The following VWA8 variants were observed in gnomAD, a reference collection of about 807,000 sequenced individuals.
VWA8 encodes von Willebrand factor A domain containing 8.
In VWA8, 221 loss-of-function variants were observed where a neutral mutation model predicts 241.5. The observed-to-expected ratio is 0.91, with a 90% confidence interval of 0.82 to 1.02. The LOEUF (loss-of-function observed/expected upper bound fraction) is 1.02. VWA8 is among the 50% of genes least tolerant of loss of function. VWA8 has a pLI of 0.00. For missense variants in VWA8, 2,322 were observed against 2,328.7 expected, an observed-to-expected ratio of 1.00 and a Z score of 0.06; for synonymous variants, 852 against 827.1, an observed-to-expected ratio of 1.03 and a Z score of -0.52.
chr13:41,675,894 A>ACAGTATC (rs2045057067), intron 35 of VWA8, among the ~76,000 whole-genome samples: 1 of 152,118 alleles, frequency 6.6e-6, no homozygotes, highest in Non-Finnish European at 1.5e-5. Context: ...TGCTCATCAC[A>ACAGTATC]CAGTATCTGT....
At chr13:41,648,077 A>G (rs1384763674) in intron 37 of VWA8, among the ~76,000 whole-genome samples, 2 of 152,192 alleles carry the variant, frequency 1.3e-5, no homozygotes, top group Admixed American at 1.3e-4. Flanking sequence ...TAAATGATGC[A>G]TGTCTTGGAG....
chr13:41,626,123 C>T (rs2044689343), intron 37 of VWA8, among the ~76,000 whole-genome samples: 1 of 149,996 alleles, frequency 6.7e-6, no homozygotes, highest in Middle Eastern at 3.4e-3. Context: ...AGGAGATATA[C>T]CTAATGCTAA....
intron 37 of VWA8, among the ~76,000 whole-genome samples, chr13:41,631,102 G>A (rs576008600): frequency 2.0e-5 from 3 of 152,154 alleles, no homozygotes; most frequent in South Asian, 2.1e-4. Flanking sequence ...TCACTGCAGC[G>A]TCAACTTCCC....
intron 18 of VWA8, among the ~76,000 whole-genome samples, chr13:41,786,907 A>G (rs902897456): frequency 1.3e-5 from 2 of 152,060 alleles, no homozygotes. Context: ...ACTGAAAATT[A>G]TATTTATGGC....
chr13:41,669,370 T>A (rs192196272), intron 37 of VWA8, among the ~76,000 whole-genome samples: 7 of 152,306 alleles, frequency 4.6e-5, no homozygotes, highest in Admixed American at 4.6e-4. Context: ...AAAATTCCAT[T>A]TGTTATCAAA....
chr13:41,917,056 T>C (rs1341759918), intron 2 of VWA8, among the ~76,000 whole-genome samples: 5 of 152,170 alleles, frequency 3.3e-5, no homozygotes, highest in Middle Eastern at 3.2e-3. Context: ...CTGATTCAAT[T>C]CCTAACCAAT....
At chr13:41,608,689 T>G (rs948251038) in intron 39 of VWA8, among the ~76,000 whole-genome samples, 5 of 152,208 alleles carry the variant, frequency 3.3e-5, no homozygotes, top group African/African-American at 9.6e-5. Context: ...GGATGCAATC[T>G]CCACAGCTGG....
chr13:41,808,078 G>T (rs1445723895), intron 17 of VWA8: 1 of 152,028 alleles, frequency 6.6e-6, no homozygotes, highest in East Asian at 1.9e-4. Context: ...ACTTATATCA[G>T]ACAAAATAGA....
At chr13:41,917,883 C>A (rs928686720) in intron 2 of VWA8, among the ~76,000 whole-genome samples, 1 of 152,086 alleles carries the variant, frequency 6.6e-6, no homozygotes, top group African/African-American at 2.4e-5. Context: ...CATAACATGC[C>A]CCTGAATTTG....
chr13:41,684,551 A>C (rs931077783), intron 35 of VWA8, among the ~76,000 whole-genome samples: 5 of 152,144 alleles, frequency 3.3e-5, no homozygotes, highest in African/African-American at 1.2e-4. Flanking sequence ...TAAATTAGAG[A>C]GCATGCTAAC....
At chr13:41,598,632 A>G (rs1186012643) in intron 40 of VWA8, among the ~76,000 whole-genome samples, 2 of 151,990 alleles carry the variant, frequency 1.3e-5, no homozygotes, top group Admixed American at 6.6e-5. Flanking sequence ...AAGCCTCTGA[A>G]TATCTGCAAA....
chr13:41,738,195 GA>G (rs1050969042), intron 21 of VWA8, among the ~76,000 whole-genome samples: 2 of 152,176 alleles, frequency 1.3e-5, no homozygotes, highest in African/African-American at 4.8e-5. Context: ...CAAAGCTGCT[GA>G]AAAGACTCTA....
In VWA8 at chr13:41,680,438, T is replaced by G. The variant is rs186703456; in HGVS notation, c.4327+4609A>C. ...TCTCTTTTTTTACAGCCCACATTTA[T>G]AAAATTCTTCCCCCATGCCAGACAT... On this transcript the variant is annotated intron_variant, in intron 35 of 44. Coordinates refer to ENST00000379310, the MANE Select transcript of VWA8 (RefSeq NM_015058.2). Among the ~76,000 whole-genome samples the G allele has an allele frequency of 7.2e-5, 11 of 152,288 alleles. No homozygotes were observed. In the South Asian group the frequency reaches 2.3e-3, roughly 32 times the overall value.
At chr13:41,615,309 A>C (rs1284552126) in intron 37 of VWA8, among the ~76,000 whole-genome samples, 5 of 152,202 alleles carry the variant, frequency 3.3e-5, no homozygotes, top group African/African-American at 1.2e-4. Context: ...CTTAAAGAAA[A>C]GTAAAGGAGC....
intron 5 of VWA8, among the ~76,000 whole-genome samples, chr13:41,888,230 G>A (rs1874642039): frequency 6.6e-6 from 1 of 152,090 alleles, no homozygotes; most frequent in African/African-American, 2.4e-5. Context: ...TCTTATCAAT[G>A]GCTCTTCACA....
chr13:41,758,089 G>A (rs1455947993), intron 21 of VWA8, among the ~76,000 whole-genome samples: 5 of 151,182 alleles, frequency 3.3e-5, no homozygotes, highest in African/African-American at 9.7e-5. Flanking sequence ...TACTGAGGGG[G>A]ATGTTGAGGT....
At chr13:41,844,173 T>C (rs1416475588) in intron 12 of VWA8, among the ~76,000 whole-genome samples, 1 of 152,178 alleles carries the variant, frequency 6.6e-6, no homozygotes, top group Non-Finnish European at 1.5e-5. Flanking sequence ...GACACAGAGT[T>C]GATTCAACAT....
intron 21 of VWA8, among the ~76,000 whole-genome samples, chr13:41,751,060 G>A (rs1195691940): frequency 6.6e-6 from 1 of 152,002 alleles, no homozygotes; most frequent in Non-Finnish European, 1.5e-5. Context: ...TAGAGCTGTA[G>A]TGAGCAGTAA....
At chr13:41,936,935 T>C (rs935387659) in intron 2 of VWA8, among the ~76,000 whole-genome samples, 8 of 152,168 alleles carry the variant, frequency 5.3e-5, no homozygotes, top group African/African-American at 1.9e-4. Context: ...CATAAGATTA[T>C]ACTGGAATTG....
Sources: allele counts gnomAD v4.1 joint callset (sites outside exome capture counted in the v4.1 genomes callset), GRCh38; gene constraint gnomAD v4.1.1; transcripts MANE v1.5; gene names NCBI Gene and HGNC (gene_info 2026-07-23, HGNC 2026-07-21).